LGALS16: variants seen among roughly 807,000 people sequenced by gnomAD.
The protein encoded by LGALS16 is galectin-16.
Under a neutral mutation model 13.2 loss-of-function variants are expected in LGALS16, and 15 were observed. That is an observed-to-expected ratio of 1.13 (90% CI 0.76 to 1.75). LGALS16 has a LOEUF of 1.75. LGALS16 is among the 40% of genes most tolerant of loss of function. LGALS16 has a pLI of 0.00. For missense variants in LGALS16, 198 were observed against 178.4 expected, an observed-to-expected ratio of 1.11 and a Z score of -0.63; for synonymous variants, 66 against 65.4, an observed-to-expected ratio of 1.01 and a Z score of -0.05.
At position 39,658,577 on chromosome 19, in the gene LGALS16, G is replaced by T; in HGVS notation, c.210G>T (p.Gly70=). The T allele has an allele frequency of 6.2e-7, 1 of 1,608,856 alleles. No individual in the cohort carries two copies. Among genetic ancestry groups the T allele is most frequent in the Non-Finnish European group, 8.5e-7 (1 of 1,179,134 alleles). The part of the protein sequence containing the change: ...RRVVMNSREF[G]IWMLEENLHY... ...TGGTCATGAACAGTCGTGAGTTTGG[G>T]ATATGGATGTTGGAGGAGAATTTAC... Residue 70 remains glycine (G), a synonymous_variant, in exon 3 of 4, where the codon GGG becomes GGT. Coordinates refer to ENST00000392051, the MANE Select transcript of LGALS16 (RefSeq NM_001190441.3).
Position 39,660,525 on chromosome 19 carries a change from A to G in LGALS16, c.*5A>G. ...GTCAACAATGGACGGAGATGATCAC[A>G]CTCCTCATTGTTGAGGAAACCCTCT... On this transcript the variant is annotated 3_prime_UTR_variant, in exon 4 of 4. Coordinates refer to ENST00000392051, the MANE Select transcript of LGALS16 (RefSeq NM_001190441.3). 6 of 1,549,778 alleles carry G rather than the reference A, an allele frequency of 3.9e-6. No homozygotes were observed. The highest frequency in any genetic ancestry group is 2.4e-5 in the East Asian group (1 of 42,330).
At chr19:39,657,842 C>T in intron 1 of LGALS16, 41 bp from the exon 2 acceptor site, 2 of 1,605,146 alleles carry the variant, frequency 1.2e-6, no homozygotes, top group Non-Finnish European at 1.7e-6. Flanking sequence ...GGAGACTGCA[C>T]CTGACCCTGC....
At chr19:39,657,014 C>A (rs1973202297) in intron 1 of LGALS16, among the ~76,000 whole-genome samples, 1 of 151,998 alleles carries the variant, frequency 6.6e-6, no homozygotes, top group Non-Finnish European at 1.5e-5. Context: ...TATAATCCCA[C>A]CAATCTGAGA....
In LGALS16 at chr19:39,658,488, T is replaced by C. The variant is rs1462019852; in HGVS notation, c.121T>C (p.Tyr41His). ...CGAACCACAGCTGCAGGTGGATTTC[T>C]ACACTGAGATGAATGAGGACTCAGA... Reference protein sequence around the residue: ...INEPQLQVDFYTEMNEDSEIA... With the variant: ...INEPQLQVDFHTEMNEDSEIA... Residue 41 changes from tyrosine (Y) to histidine (H), a missense_variant, in exon 3 of 4, where the codon TAC becomes CAC. Transcript: ENST00000392051. 6.2e-7 allele frequency: 1 copy of C among 1,603,508 alleles called. No individual in the cohort carries two copies.
intron 3 of LGALS16, among the ~76,000 whole-genome samples, chr19:39,659,560 G>A (rs1211393764): frequency 6.6e-5 from 10 of 152,044 alleles, no homozygotes; most frequent in Admixed American, 6.5e-4. Flanking sequence ...GTTTATTTGG[G>A]CATTGAAGTT....
intron 3 of LGALS16, among the ~76,000 whole-genome samples, chr19:39,659,470 T>C (rs1446847675): frequency 6.6e-6 from 1 of 152,202 alleles, no homozygotes; most frequent in Admixed American, 6.5e-5. Flanking sequence ...GCTCTACACA[T>C]TATGCTTTAG....
rs748558919 is a variant in LGALS16, at chr19:39,658,660, A to G, written c.293A>G (p.Asn98Ser). The G allele has an allele frequency of 1.9e-6, 3 of 1,575,188 alleles. No homozygotes were observed. The highest frequency in any genetic ancestry group is 1.7e-4 in the Middle Eastern group (1 of 6,026). ...GACTTGCGCATCTACGTGTGTCACA[A>G]TGAGTATGAGGTGAGCACCCCAGGA... is the stretch of plus-strand genomic sequence containing the variant. ...PFDLRIYVCH[N>S]EYEVKVNGEY... The change falls in exon 3 of 4, where the codon AAT becomes AGT. Residue 98 changes from asparagine (N) to serine (S), a missense_variant. Coordinates refer to ENST00000392051, the MANE Select transcript of LGALS16 (RefSeq NM_001190441.3).
intron 1 of LGALS16, 26 bp from the exon 2 acceptor site, chr19:39,657,857 C>T (rs1258629769): frequency 1.2e-6 from 2 of 1,612,224 alleles, no homozygotes; most frequent in African/African-American, 2.7e-5. Context: ...CCCTGCACCT[C>T]TCACTTATTC....
At chr19:39,660,374 G>A in intron 3 of LGALS16, 21 bp from the exon 4 acceptor site, 1 of 1,540,072 alleles carries the variant, frequency 6.5e-7, no homozygotes, top group Non-Finnish European at 8.7e-7. Flanking sequence ...CTGTCTTTCT[G>A]ATGCATTTTT....
In LGALS16 at chr19:39,658,318, G is replaced by A. The variant is rs138553334; in HGVS notation, c.93-142G>A. ...CCTGCAGGGGGCACGAGGAGCTGAAGCATCCCCACAGGGACCAGGCCTGCA... is the reference window on the plus strand; with the variant it reads ...CCTGCAGGGGGCACGAGGAGCTGAAACATCCCCACAGGGACCAGGCCTGCA... On this transcript the variant is annotated intron_variant, in intron 2 of 3. Coordinates refer to ENST00000392051, the MANE Select transcript of LGALS16 (RefSeq NM_001190441.3). The A allele has an allele frequency of 3.6e-4, 265 of 732,084 alleles. No homozygotes were observed. In the East Asian group the frequency reaches 7.1e-3, roughly 20 times the overall value. The allele number at this position is 732,084 out of a possible 1,614,324, so 45.3% of individuals were successfully genotyped here.
At chr19:39,656,325 G>A (rs568262701) in intron 1 of LGALS16, among the ~76,000 whole-genome samples, 6 of 152,300 alleles carry the variant, frequency 3.9e-5, no homozygotes, top group Admixed American at 1.3e-4. Context: ...TCTTTGTGAT[G>A]TGAGTGTGTG....
chr19:39,660,397 A>G lies in LGALS16; in HGVS notation c.306A>G (p.Val102=). 6.5e-7 allele frequency: 1 copy of G among 1,540,758 alleles called. No individual in the cohort carries two copies. The highest frequency in any genetic ancestry group is 8.7e-7 in the Non-Finnish European group (1 of 1,147,920). The stretch of plus-strand genomic sequence containing the variant: ...CTGATGCATTTTTCCTCTTAAAGGT[A>G]AAGGTAAATGGTGAATACATTTATG... The part of the protein sequence containing the change: ...RIYVCHNEYE[V]KVNGEYIYAF... The change falls in exon 4 of 4, where the codon GTA becomes GTG. Residue 102 remains valine, a splice_region_variant and synonymous_variant. Coordinates refer to ENST00000392051, the MANE Select transcript of LGALS16 (RefSeq NM_001190441.3).
intron 1 of LGALS16, among the ~76,000 whole-genome samples, chr19:39,656,286 G>GT (rs1973193816): frequency 6.6e-6 from 1 of 152,170 alleles, no homozygotes; most frequent in Non-Finnish European, 1.5e-5. Flanking sequence ...TTGTGTGAGT[G>GT]TAAGGGGGGT....
chr19:39,659,822 T>C (rs1038212588), intron 3 of LGALS16, among the ~76,000 whole-genome samples: 2 of 152,244 alleles, frequency 1.3e-5, no homozygotes, highest in Admixed American at 1.3e-4. Context: ...TCACATCTTA[T>C]TCAGATTCAA....
intron 1 of LGALS16, 61 bp downstream of exon 1, chr19:39,656,037 G>C: frequency 1.3e-6 from 2 of 1,563,398 alleles, no homozygotes; most frequent in Non-Finnish European, 1.8e-6. Flanking sequence ...GAAAGATGTG[G>C]GGTATTTTAT....
At chr19:39,659,471 T>C (rs1973235788) in intron 3 of LGALS16, among the ~76,000 whole-genome samples, 1 of 152,218 alleles carries the variant, frequency 6.6e-6, no homozygotes. Context: ...CTCTACACAT[T>C]ATGCTTTAGG....
intron 2 of LGALS16, among the ~76,000 whole-genome samples, 168 bp downstream of exon 2, chr19:39,658,127 AC>A (rs879166031): frequency 6.6e-6 from 1 of 152,238 alleles, no homozygotes; most frequent in South Asian, 2.1e-4. Context: ...ACCTGCAGCA[AC>A]TGCATGTGGG....
intron 2 of LGALS16, 93 bp from the exon 3 acceptor site, chr19:39,658,367 C>A: frequency 9.0e-7 from 1 of 1,115,670 alleles, no homozygotes; most frequent in Non-Finnish European, 1.3e-6. Context: ...GAATTTTACC[C>A]TGGGTAAATG....
intron 2 of LGALS16, 77 bp downstream of exon 2, chr19:39,658,036 G>T: frequency 2.6e-6 from 4 of 1,548,192 alleles, no homozygotes; most frequent in Non-Finnish European, 3.5e-6. Flanking sequence ...TTATGTGTGG[G>T]TGATGTGGAA....
Sources: gnomAD v4.1 joint callset for allele counts (sites outside exome capture counted in the v4.1 genomes callset) on GRCh38, gnomAD v4.1.1 for gene constraint, MANE v1.5 for transcripts, NCBI Gene and HGNC (gene_info 2026-07-23, HGNC 2026-07-21) for gene names.